Variants in RBFOX1 observed in about 807,000 individuals in gnomAD.
RBFOX1 encodes the protein RNA binding protein fox-1 homolog 1.
Under a neutral mutation model 57.7 loss-of-function variants are expected in RBFOX1, and 8 were observed. That is an observed-to-expected ratio of 0.14 (90% CI 0.08 to 0.25). The LOEUF is 0.25. Among genes scored for constraint, RBFOX1 ranks in the 10% least tolerant of loss-of-function variants. RBFOX1 has a pLI of 1.00. For synonymous variants in RBFOX1, 326 were observed against 222.4 expected (o/e 1.47, Z -4.15); for missense variants, 611 against 548.5 (o/e 1.11, Z -1.14).
intron 3 of RBFOX1, among the ~76,000 whole-genome samples, chr16:5,683,072 A>T (rs2050392919): frequency 6.6e-6 from 1 of 150,954 alleles, no homozygotes; most frequent in South Asian, 2.1e-4. Flanking sequence ...ATTTACTGAG[A>T]TAAAGACTGG....
chr16:6,764,141 A>G (rs952584114), intron 3 of RBFOX1, among the ~76,000 whole-genome samples: 3 of 152,196 alleles, frequency 2.0e-5, no homozygotes, highest in Non-Finnish European at 2.9e-5. Context: ...AGAGGGAAAG[A>G]TGGGCATTCC....
chr16:5,858,948 C>G (rs757590838), intron 3 of RBFOX1, among the ~76,000 whole-genome samples: 4 of 152,204 alleles, frequency 2.6e-5, no homozygotes, highest in Non-Finnish European at 5.9e-5. Flanking sequence ...GGTCTGGTGG[C>G]TCACGCCTGT....
chr16:6,213,119 G>C (rs558252933), intron 1 of RBFOX1, among the ~76,000 whole-genome samples: 2 of 152,130 alleles, frequency 1.3e-5, no homozygotes, highest in African/African-American at 2.4e-5. Context: ...CAAAATGGAA[G>C]TCTTGTTATT....
intron 1 of RBFOX1, among the ~76,000 whole-genome samples, chr16:6,153,841 T>C (rs1227202402): frequency 6.6e-6 from 1 of 152,182 alleles, no homozygotes; most frequent in Non-Finnish European, 1.5e-5. Flanking sequence ...CGGCCCATTA[T>C]ATCATCTTAG....
At chr16:5,770,143 A>G (rs888631752) in intron 3 of RBFOX1, among the ~76,000 whole-genome samples, 2 of 152,128 alleles carry the variant, frequency 1.3e-5, no homozygotes, top group African/African-American at 4.8e-5. Flanking sequence ...GTTTGAAGTG[A>G]TGAGCTATGC....
In RBFOX1 at chr16:5,652,457, G is replaced by T. The variant is rs566300964; in HGVS notation, c.318+53496G>T. Among the ~76,000 whole-genome samples, 8 of 152,244 alleles carry T rather than the reference G, an allele frequency of 5.3e-5. No individual in the cohort carries two copies. The East Asian group carries it at 1.5e-3, about 29-fold the overall frequency. On this transcript the variant is annotated intron_variant, in intron 3 of 19. Transcript: ENST00000641259. ...GTTGGAAGGGAAGCCTGTATCACAT[G>T]TTACAGGAGCCTAAACATAAATTAT...
At chr16:6,596,134 A>G (rs1168245435) in intron 2 of RBFOX1, among the ~76,000 whole-genome samples, 1 of 152,026 alleles carries the variant, frequency 6.6e-6, no homozygotes, top group African/African-American at 2.4e-5. Flanking sequence ...ATACAGTCCA[A>G]TTTATTTTTT....
chr16:7,641,121 T>TA (rs1225941240), intron 11 of RBFOX1, among the ~76,000 whole-genome samples: 3 of 152,196 alleles, frequency 2.0e-5, no homozygotes, highest in Non-Finnish European at 4.4e-5. Context: ...AGGGAGAGGC[T>TA]GAATCCAAGG....
intron 3 of RBFOX1, among the ~76,000 whole-genome samples, chr16:5,617,788 G>C (rs1245399520): frequency 6.6e-6 from 1 of 152,204 alleles, no homozygotes; most frequent in African/African-American, 2.4e-5. Flanking sequence ...TTGTTGCAGA[G>C]CCCAGGTCAG....
chr16:6,850,443 C>G (rs191174893), intron 3 of RBFOX1, among the ~76,000 whole-genome samples: 5 of 152,030 alleles, frequency 3.3e-5, no homozygotes, highest in South Asian at 2.1e-4. Context: ...TAAAGGATGA[C>G]AAATGAGGTT....
chr16:5,545,532 A>T (rs1168299829), intron 2 of RBFOX1, among the ~76,000 whole-genome samples: 1 of 152,168 alleles, frequency 6.6e-6, no homozygotes, highest in Admixed American at 6.5e-5. Context: ...AGGGTGGTTT[A>T]TGCTAGGTTG....
At chr16:6,653,989 A>ATGGG (rs375710384) in intron 2 of RBFOX1, among the ~76,000 whole-genome samples, 29,003 of 147,962 alleles carry the variant, frequency 0.2, 2,924 homozygotes, top group Non-Finnish European at 0.22. Flanking sequence ...GGATGGATGG[A>ATGGG]TGGATGGATG....
chr16:6,265,186 TCA>T (rs1415117185), intron 1 of RBFOX1, among the ~76,000 whole-genome samples: 2 of 152,156 alleles, frequency 1.3e-5, no homozygotes, highest in Admixed American at 1.3e-4. Context: ...CTTCGCACAC[TCA>T]CGTGTTTGTC....
At chr16:5,610,091 G>A (rs184973033) in intron 3 of RBFOX1, among the ~76,000 whole-genome samples, 5 of 152,146 alleles carry the variant, frequency 3.3e-5, no homozygotes, top group Admixed American at 6.5e-5. Context: ...CTTACTTGCC[G>A]GCTTGCTGTA....
At chr16:7,572,431 T>C (rs1228732295) in intron 5 of RBFOX1, among the ~76,000 whole-genome samples, 2 of 152,156 alleles carry the variant, frequency 1.3e-5, no homozygotes, top group Non-Finnish European at 2.9e-5. Flanking sequence ...AGGAGACATT[T>C]GAATCCCAGG....
intron 4 of RBFOX1, among the ~76,000 whole-genome samples, chr16:7,112,915 C>T (rs561332888): frequency 6.6e-6 from 1 of 152,116 alleles, no homozygotes; most frequent in African/African-American, 2.4e-5. Context: ...CTGATGTTTT[C>T]TGGAAAGAAT....
chr16:7,460,538 G>C (rs2059394862), intron 4 of RBFOX1, among the ~76,000 whole-genome samples: 1 of 147,180 alleles, frequency 6.8e-6, no homozygotes, highest in Non-Finnish European at 1.5e-5. Flanking sequence ...TATATTAGAG[G>C]GGAACAACAC....
chr16:5,307,864 C>T (rs765917179), intron 1 of RBFOX1, among the ~76,000 whole-genome samples: 9 of 152,104 alleles, frequency 5.9e-5, no homozygotes, highest in Non-Finnish European at 1.3e-4. Context: ...TATTTGTAAA[C>T]ATGAGATCTC....
At chr16:7,359,331 A>T (rs1221790727) in intron 4 of RBFOX1, among the ~76,000 whole-genome samples, 1 of 152,216 alleles carries the variant, frequency 6.6e-6, no homozygotes, top group African/African-American at 2.4e-5. Flanking sequence ...TGTTTATCAC[A>T]TAGTAAGCAC....
Sources: gnomAD v4.1 joint callset for allele counts (sites outside exome capture counted in the v4.1 genomes callset) on GRCh38, gnomAD v4.1.1 for gene constraint, MANE v1.5 for transcripts, NCBI Gene and HGNC (gene_info 2026-07-23, HGNC 2026-07-21) for gene names.